Variants in NHSL3 observed in about 807,000 individuals in gnomAD.
The protein encoded by NHSL3 is NHS-like protein 3.
the NHSL3 span, among the ~76,000 whole-genome samples, chr1:32,761,163 G>C: frequency 6.6e-6 from 1 of 152,294 alleles, no homozygotes; most frequent in South Asian, 2.1e-4. Flanking sequence ...TGGACTGCCA[G>C]GGGCAGAAAT....
At chr1:32,769,263 A>C in the NHSL3 span, among the ~76,000 whole-genome samples, 6 of 152,062 alleles carry the variant, frequency 3.9e-5, no homozygotes, top group Admixed American at 6.6e-5. Context: ...CAAAAAAAAA[A>C]TAAAAAAAGA....
chr1:32,743,224 T>C, the NHSL3 span, among the ~76,000 whole-genome samples: 2 of 152,202 alleles, frequency 1.3e-5, no homozygotes, highest in South Asian at 4.1e-4. Flanking sequence ...AGGAAATGGC[T>C]GGGTGTGCGG....
chr1:32,769,911 G>A, the NHSL3 span: 5 of 1,608,126 alleles, frequency 3.1e-6, no homozygotes, highest in South Asian at 2.2e-5. Flanking sequence ...CACCAGGCAC[G>A]CCCCGGGCTC....
chr1:32,772,859 C>T, the NHSL3 span: 2 of 1,613,904 alleles, frequency 1.2e-6, no homozygotes, highest in Admixed American at 1.7e-5. Context: ...TATTTTTCTC[C>T]CCCAGACTCA....
the NHSL3 span, chr1:32,772,905 G>A: frequency 6.2e-7 from 1 of 1,613,694 alleles, no homozygotes; most frequent in Non-Finnish European, 8.5e-7. Flanking sequence ...GCACCTCACT[G>A]GCACTGCTGA....
the NHSL3 span, chr1:32,742,097 A>C: frequency 8.0e-7 from 1 of 1,252,622 alleles, no homozygotes; most frequent in Non-Finnish European, 1.0e-6. Context: ...CGGCGCAAGA[A>C]GAAGGCGGCG....
the NHSL3 span, among the ~76,000 whole-genome samples, chr1:32,752,639 G>A: frequency 5.3e-5 from 8 of 151,910 alleles, no homozygotes; most frequent in East Asian, 1.9e-4. Flanking sequence ...GTGCAGTAGC[G>A]TGATCTTGGC....
chr1:32,766,570 T>C, the NHSL3 span, among the ~76,000 whole-genome samples: 1 of 152,158 alleles, frequency 6.6e-6, no homozygotes, highest in Non-Finnish European at 1.5e-5. Flanking sequence ...ACCTGTGGGA[T>C]TCCTGCAGAC....
the NHSL3 span, chr1:32,768,634 C>A: frequency 6.2e-7 from 1 of 1,613,666 alleles, no homozygotes; most frequent in South Asian, 1.1e-5. Context: ...CCACCCAGAT[C>A]TCCTTCTACC....
At chr1:32,754,104 C>T in the NHSL3 span, 1 of 709,438 alleles carries the variant, frequency 1.4e-6, no homozygotes, top group South Asian at 1.5e-5. Flanking sequence ...GGAACTCACA[C>T]CACAAGAGGA....
chr1:32,765,842 C>T, the NHSL3 span: 1 of 1,543,204 alleles, frequency 6.5e-7, no homozygotes, highest in Non-Finnish European at 8.7e-7. Flanking sequence ...GTGGGTGTGG[C>T]TTGGGGGGAG....
the NHSL3 span, chr1:32,770,009 C>T: frequency 3.0e-5 from 48 of 1,600,236 alleles, no homozygotes; most frequent in Admixed American, 3.4e-5. This position sits in a 1 kb window ranked among gnomAD's most constrained non-coding sequence, Gnocchi z 8.3. Flanking sequence ...TCCCTGCAGG[C>T]GCTGGAGGCG....
At chr1:32,769,903 C>G in the NHSL3 span, 2 of 1,608,686 alleles carry the variant, frequency 1.2e-6, no homozygotes, top group Non-Finnish European at 8.5e-7. Flanking sequence ...GCGTGAGGCA[C>G]CAGGCACGCC....
At chr1:32,772,904 T>A in the NHSL3 span, 98 of 1,613,652 alleles carry the variant, frequency 6.1e-5, no homozygotes, top group Non-Finnish European at 7.8e-5. Flanking sequence ...GGCACCTCAC[T>A]GGCACTGCTG....
the NHSL3 span, chr1:32,767,903 C>T: frequency 4.3e-6 from 7 of 1,613,974 alleles, no homozygotes; most frequent in Admixed American, 1.2e-4. Context: ...ACCCCCCCAC[C>T]TGGAAGAGCT....
At chr1:32,755,189 T>G in the NHSL3 span, among the ~76,000 whole-genome samples, 524 of 152,278 alleles carry the variant, frequency 3.4e-3, 6 homozygotes, top group African/African-American at 0.012. Flanking sequence ...TAGTTACTGG[T>G]GAATCCAGAG....
chr1:32,767,242 G>T, the NHSL3 span, among the ~76,000 whole-genome samples: 1 of 152,164 alleles, frequency 6.6e-6, no homozygotes, highest in African/African-American at 2.4e-5. Flanking sequence ...GTATGGAGGC[G>T]AGAGCAATGT....
chr1:32,754,941 C>G, the NHSL3 span, among the ~76,000 whole-genome samples: 7 of 152,074 alleles, frequency 4.6e-5, no homozygotes, highest in Non-Finnish European at 1.0e-4. Context: ...TCCCCCGTCC[C>G]CACGGTCCCC....
the NHSL3 span, among the ~76,000 whole-genome samples, chr1:32,757,732 G>A: frequency 6.6e-6 from 1 of 152,218 alleles, no homozygotes; most frequent in African/African-American, 2.4e-5. Flanking sequence ...GTTCGGAGAA[G>A]TGAAGTCACT....
Sources: gnomAD v4.1 joint callset for allele counts (sites outside exome capture counted in the v4.1 genomes callset) on GRCh38, gnomAD v4.1.1 for gene constraint, Gnocchi (gnomAD v3.1) non-coding constraint, MANE v1.5 for transcripts, NCBI Gene and HGNC (gene_info 2026-07-23, HGNC 2026-07-21) for gene names.